The following TBC1D23 variants were observed in gnomAD, a reference collection of about 807,000 sequenced individuals.
TBC1D23 encodes the protein TBC1 domain family member 23, also known as HCV non-structural protein 4A-transactivated protein 1.
TBC1D23 carries 55 observed loss-of-function variants against 91.4 expected under a neutral mutation model. The ratio of observed to expected loss-of-function variants is 0.60; its 90% CI spans 0.48 to 0.75. TBC1D23 has a LOEUF of 0.75. Ranked by LOEUF, TBC1D23 falls within the 30% of genes least tolerant of loss-of-function variation. The pLI is 0.00. For missense variants in TBC1D23, 725 were observed against 836.1 expected (o/e 0.87, Z 1.64); for synonymous variants, 289 against 281.0 (o/e 1.03, Z -0.28).
chr3:100,264,835 C>A (rs1473083067), intron 1 of TBC1D23, among the ~76,000 whole-genome samples: 1 of 152,140 alleles, frequency 6.6e-6, no homozygotes, highest in African/African-American at 2.4e-5. Context: ...TAGTTCACTG[C>A]TTCTCAAAAT....
At chr3:100,265,992 T>C (rs2067554430) in intron 1 of TBC1D23, among the ~76,000 whole-genome samples, 1 of 152,140 alleles carries the variant, frequency 6.6e-6, no homozygotes, top group Admixed American at 6.5e-5. Context: ...ATTTCAGATA[T>C]GATATAATCA....
At chr3:100,306,646 C>G in intron 13 of TBC1D23, 103 bp downstream of exon 13, 1 of 622,772 alleles carries the variant, frequency 1.6e-6, no homozygotes, top group Non-Finnish European at 2.9e-6. Flanking sequence ...CAAAACATTT[C>G]AAACACATGC....
At chr3:100,285,236 T>C (rs1443167739) in intron 4 of TBC1D23, among the ~76,000 whole-genome samples, 1 of 152,206 alleles carries the variant, frequency 6.6e-6, no homozygotes, top group African/African-American at 2.4e-5. Flanking sequence ...TTTTAGAACA[T>C]TTTATCACCC....
intron 18 of TBC1D23, among the ~76,000 whole-genome samples, chr3:100,321,949 A>G (rs190410481): frequency 1.6e-4 from 24 of 152,034 alleles, no homozygotes; most frequent in Middle Eastern, 3.4e-3. Context: ...ATTGATGTGT[A>G]TCTTCTCAGA....
At chr3:100,298,973 TCAAA>T (rs1296580472) in intron 9 of TBC1D23, among the ~76,000 whole-genome samples, 3 of 152,212 alleles carry the variant, frequency 2.0e-5, no homozygotes, top group Middle Eastern at 3.2e-3. Flanking sequence ...GTTTTATAGC[TCAAA>T]CAGACACTCT....
chr3:100,267,466 T>C (rs1459434077), intron 1 of TBC1D23, among the ~76,000 whole-genome samples: 1 of 152,230 alleles, frequency 6.6e-6, no homozygotes, highest in African/African-American at 2.4e-5. Context: ...TTCTTATCCT[T>C]TAGCTGACAT....
At chr3:100,267,170 A>G (rs1166301427) in intron 1 of TBC1D23, 1 of 407,506 alleles carries the variant, frequency 2.5e-6, no homozygotes, top group East Asian at 7.7e-5. Flanking sequence ...GCTCTAACAG[A>G]AAATAATAGG....
chr3:100,316,809 T>C (rs1300641229), intron 16 of TBC1D23, among the ~76,000 whole-genome samples: 3 of 152,004 alleles, frequency 2.0e-5, no homozygotes, highest in Admixed American at 2.0e-4. Flanking sequence ...AAAAATAATT[T>C]AGGCCGGGCG....
chr3:100,297,766 T>C (rs1385187662), intron 8 of TBC1D23, among the ~76,000 whole-genome samples, 157 bp from the exon 9 acceptor site: 3 of 152,122 alleles, frequency 2.0e-5, no homozygotes, highest in Non-Finnish European at 2.9e-5. Context: ...TTGTAGTTCT[T>C]AGCCTATAAA....
At position 100,316,148 on chromosome 3, in the gene TBC1D23, C is replaced by A; in HGVS notation, c.1648C>A (p.Pro550Thr). The change falls in exon 16 of 19, where the codon CCT becomes ACT. Residue 550 changes from proline (P) to threonine (T), a missense_variant. Pro to Thr is a conservative substitution (Grantham distance 38). Coordinates refer to ENST00000394144, the MANE Select transcript of TBC1D23 (RefSeq NM_001199198.3). Reference protein sequence around the residue: ...RVGKPYRGVKPVFSIGDEEEY... With the variant: ...RVGKPYRGVKTVFSIGDEEEY... ...GGGCAAGCCTTACCGTGGCGTAAAG[C>A]CTGTTTTCAGCATTGGGGATGAAGA... is the stretch of plus-strand genomic sequence containing the variant. The A allele has an allele frequency of 6.2e-7, 1 of 1,614,024 alleles. No homozygotes were observed. Among genetic ancestry groups the A allele is most frequent in the Non-Finnish European group, 8.5e-7 (1 of 1,179,950 alleles).
intron 10 of TBC1D23, 128 bp from the exon 11 acceptor site, chr3:100,301,939 C>A: frequency 1.6e-6 from 1 of 639,132 alleles, no homozygotes; most frequent in Non-Finnish European, 2.7e-6. Flanking sequence ...TTATAAGAGC[C>A]TTTTTTTCCC....
chr3:100,267,011 A>G (rs1443578393), intron 1 of TBC1D23, among the ~76,000 whole-genome samples: 1 of 152,226 alleles, frequency 6.6e-6, no homozygotes. Context: ...AAGGTTTTAG[A>G]AAAAAATTTG....
chr3:100,274,317 A>G (rs1348288897), intron 1 of TBC1D23, among the ~76,000 whole-genome samples: 1 of 152,172 alleles, frequency 6.6e-6, no homozygotes, highest in Non-Finnish European at 1.5e-5. Flanking sequence ...GTAAGGTCAC[A>G]TGGCTGTTGA....
chr3:100,322,952 AT>A (rs1197090237), intron 18 of TBC1D23, among the ~76,000 whole-genome samples: 1 of 152,214 alleles, frequency 6.6e-6, no homozygotes, highest in Non-Finnish European at 1.5e-5. Context: ...TTTTAAAAAA[AT>A]ACCACTATTT....
intron 13 of TBC1D23, 147 bp downstream of exon 13, chr3:100,306,690 A>T: frequency 3.7e-6 from 2 of 534,884 alleles, no homozygotes; most frequent in Non-Finnish European, 6.8e-6. Context: ...GATTAATGAG[A>T]TGATACAGCA....
chr3:100,301,900 A>G, intron 10 of TBC1D23, 167 bp from the exon 11 acceptor site: 2 of 567,334 alleles, frequency 3.5e-6, no homozygotes, highest in Non-Finnish European at 6.1e-6. Flanking sequence ...ATACATTTAT[A>G]AATATTTCTC....
At chr3:100,305,279 C>G (rs1186827821) in intron 12 of TBC1D23, among the ~76,000 whole-genome samples, 2 of 152,016 alleles carry the variant, frequency 1.3e-5, no homozygotes, top group African/African-American at 4.8e-5. Context: ...TTTTGAACTA[C>G]TTGAAGGTAT....
At chr3:100,296,005 C>T (rs369025300) in intron 7 of TBC1D23, among the ~76,000 whole-genome samples, 167 bp from the exon 8 acceptor site, 1 of 152,270 alleles carries the variant, frequency 6.6e-6, no homozygotes, top group African/African-American at 2.4e-5. Context: ...TTACATTAGC[C>T]GTTTCAGCTC....
chr3:100,271,648 T>C (rs1173684110), intron 1 of TBC1D23, among the ~76,000 whole-genome samples: 4 of 152,206 alleles, frequency 2.6e-5, no homozygotes, highest in Non-Finnish European at 4.4e-5. Context: ...AGAAGCCTGC[T>C]GGCCTATATA....
Sources: allele counts gnomAD v4.1 joint callset (sites outside exome capture counted in the v4.1 genomes callset), GRCh38; gene constraint gnomAD v4.1.1; transcripts MANE v1.5; gene names NCBI Gene and HGNC (gene_info 2026-07-23, HGNC 2026-07-21).